Variants in FCHSD2 observed in about 807,000 individuals in gnomAD.
FCHSD2 encodes F-BAR and double SH3 domains protein 2.
In FCHSD2, 38 loss-of-function variants were observed where a neutral mutation model predicts 108.1. That is an observed-to-expected ratio of 0.35 (90% CI 0.27 to 0.46). The LOEUF (loss-of-function observed/expected upper bound fraction) is 0.46, where lower values mean the gene tolerates loss of function less well. Ranked by LOEUF, FCHSD2 falls within the 20% of genes least tolerant of loss-of-function variation. The probability of loss-of-function intolerance (pLI) is 1.00; values close to 1 mark genes in which losing one functional copy is unlikely to be tolerated. For missense variants in FCHSD2, 751 were observed against 897.8 expected (o/e 0.84, Z 2.09); for synonymous variants, 279 against 314.7 (o/e 0.89, Z 1.20).
chr11:72,978,163 G>C (rs1371048679), intron 8 of FCHSD2, among the ~76,000 whole-genome samples: 2 of 152,072 alleles, frequency 1.3e-5, no homozygotes, highest in African/African-American at 4.8e-5. Context: ...GCCTGTCATG[G>C]GGTGGGGGGA....
chr11:73,053,462 C>A (rs1858950329), intron 3 of FCHSD2, among the ~76,000 whole-genome samples: 2 of 152,074 alleles, frequency 1.3e-5, no homozygotes, highest in South Asian at 4.1e-4. Context: ...CCTGAGCTTG[C>A]TAAAATTTCT....
intron 3 of FCHSD2, among the ~76,000 whole-genome samples, chr11:73,030,955 C>T (rs748090882): frequency 6.6e-6 from 1 of 151,844 alleles, no homozygotes; most frequent in Non-Finnish European, 1.5e-5. Flanking sequence ...TATCCTTTGA[C>T]CTAAGAAACT....
At chr11:73,057,947 T>G (rs184895297) in intron 3 of FCHSD2, among the ~76,000 whole-genome samples, 1 of 151,852 alleles carries the variant, frequency 6.6e-6, no homozygotes, top group Non-Finnish European at 1.5e-5. Context: ...TGGCACGATC[T>G]TGGCTCACTG....
chr11:73,023,720 CT>C (rs1280960122), intron 3 of FCHSD2, among the ~76,000 whole-genome samples: 2 of 152,170 alleles, frequency 1.3e-5, no homozygotes, highest in Admixed American at 6.5e-5. Context: ...AGCACAAATG[CT>C]TCTGGCAGCT....
At chr11:72,870,218 T>A (rs1854823024) in intron 12 of FCHSD2, among the ~76,000 whole-genome samples, 1 of 152,168 alleles carries the variant, frequency 6.6e-6, no homozygotes, top group South Asian at 2.1e-4. Flanking sequence ...AGTTAATAAT[T>A]CCTTTTTCTC....
At chr11:72,986,087 A>G (rs1192822376) in intron 6 of FCHSD2, among the ~76,000 whole-genome samples, 1 of 152,220 alleles carries the variant, frequency 6.6e-6, no homozygotes, top group Non-Finnish European at 1.5e-5. Flanking sequence ...TTTTTCTAAC[A>G]AGAGAAAACA....
At chr11:73,131,933 T>C (rs900021039) in intron 2 of FCHSD2, among the ~76,000 whole-genome samples, 2 of 152,198 alleles carry the variant, frequency 1.3e-5, no homozygotes, top group Non-Finnish European at 2.9e-5. Flanking sequence ...ATGGGTCACA[T>C]TCAGAGTCGA....
intron 9 of FCHSD2, among the ~76,000 whole-genome samples, chr11:72,913,943 G>C (rs1450591877): frequency 6.6e-6 from 1 of 151,568 alleles, no homozygotes; most frequent in Admixed American, 6.6e-5. Context: ...ACAAACAAAT[G>C]AAAAAACATA....
chr11:73,101,105 T>C (rs1439937142), intron 2 of FCHSD2, among the ~76,000 whole-genome samples: 2 of 152,202 alleles, frequency 1.3e-5, no homozygotes, highest in East Asian at 3.9e-4. Context: ...ATTATCATTA[T>C]CACTGTTCCC....
At chr11:72,945,401 A>G (rs1856499924) in intron 8 of FCHSD2, among the ~76,000 whole-genome samples, 1 of 152,246 alleles carries the variant, frequency 6.6e-6, no homozygotes, top group South Asian at 2.1e-4. Flanking sequence ...AATTAATTCA[A>G]GATGGGTTAA....
intron 8 of FCHSD2, among the ~76,000 whole-genome samples, chr11:72,968,255 T>C (rs549442512): frequency 6.6e-6 from 1 of 152,304 alleles, no homozygotes; most frequent in East Asian, 1.9e-4. Context: ...ATGAAAATAA[T>C]TACAGATAAA....
intron 10 of FCHSD2, among the ~76,000 whole-genome samples, chr11:72,894,141 A>G (rs1855373003): frequency 6.6e-6 from 1 of 152,238 alleles, no homozygotes; most frequent in African/African-American, 2.4e-5. Context: ...ATTCCAAACC[A>G]TTTCAAAAAA....
chr11:72,907,188 C>G (rs1039192738), intron 9 of FCHSD2, among the ~76,000 whole-genome samples: 1 of 152,098 alleles, frequency 6.6e-6, no homozygotes, highest in African/African-American at 2.4e-5. Context: ...AATTTTGTAT[C>G]CTGAGACTTT....
At chr11:73,128,056 G>A (rs1168011461) in intron 2 of FCHSD2, among the ~76,000 whole-genome samples, 8 of 151,090 alleles carry the variant, frequency 5.3e-5, no homozygotes, top group South Asian at 2.1e-4. Context: ...AATTGCCTGC[G>A]GGCCCTTTGA....
intron 2 of FCHSD2, among the ~76,000 whole-genome samples, chr11:73,122,483 T>G (rs1371728520): frequency 6.6e-6 from 1 of 152,238 alleles, no homozygotes; most frequent in Non-Finnish European, 1.5e-5. Flanking sequence ...ATCTTCTTTC[T>G]TGATCTGCTC....
At chr11:72,912,183 G>T (rs999210257) in intron 9 of FCHSD2, among the ~76,000 whole-genome samples, 17 of 152,114 alleles carry the variant, frequency 1.1e-4, no homozygotes, top group African/African-American at 4.1e-4. Flanking sequence ...GTACTATGTT[G>T]AACAACAGTG....
At chr11:73,139,063 C>T (rs747462611) in intron 2 of FCHSD2, among the ~76,000 whole-genome samples, 24 of 152,024 alleles carry the variant, frequency 1.6e-4, no homozygotes, top group Non-Finnish European at 1.6e-4. Flanking sequence ...AGTCATAAAC[C>T]CTGAAGACAG....
At chr11:73,004,109 C>CAAA (rs58773322) in intron 4 of FCHSD2, among the ~76,000 whole-genome samples, 1 of 43,044 alleles carries the variant, frequency 2.3e-5, no homozygotes, top group Non-Finnish European at 3.9e-5. Flanking sequence ...ACTCCAACTC[C>CAAA]AAAAAAAAAA....
At chr11:73,133,511 T>G (rs1389305358) in intron 2 of FCHSD2, among the ~76,000 whole-genome samples, 1 of 152,182 alleles carries the variant, frequency 6.6e-6, no homozygotes, top group Admixed American at 6.5e-5. Context: ...CAGTGGCTCA[T>G]GCCTGTAATC....
Sources: allele counts gnomAD v4.1 joint callset (sites outside exome capture counted in the v4.1 genomes callset), GRCh38; gene constraint gnomAD v4.1.1; transcripts MANE v1.5; gene names NCBI Gene and HGNC (gene_info 2026-07-23, HGNC 2026-07-21).